Variants in EIF4G3 observed in about 807,000 individuals in gnomAD.
EIF4G3 encodes the protein eIF-4-gamma 3.
Under a neutral mutation model 186.4 loss-of-function variants are expected in EIF4G3, and 34 were observed. That is an observed-to-expected ratio of 0.18 (90% CI 0.14 to 0.24). EIF4G3 has a LOEUF of 0.24. EIF4G3 is among the 10% of genes least tolerant of loss of function. EIF4G3 has a pLI of 1.00. For synonymous variants in EIF4G3, 673 were observed against 679.5 expected, an observed-to-expected ratio of 0.99 and a Z score of 0.15; for missense variants, 1,536 against 1,948.5, an observed-to-expected ratio of 0.79 and a Z score of 3.99.
rs2075293362 is a variant in EIF4G3 at position 20,857,463 on chromosome 1, A to G, written c.3279T>C (p.Thr1093=). 1 of 1,614,160 alleles carries G rather than the reference A, an allele frequency of 6.2e-7. No individual in the cohort carries two copies. Among genetic ancestry groups the G allele is most frequent in the Non-Finnish European group, 8.5e-7 (1 of 1,180,034 alleles). Residue 1093 remains threonine, a synonymous_variant, in exon 25 of 37, where the codon ACT becomes ACC. Coordinates refer to ENST00000602326, the MANE Select transcript of EIF4G3 (RefSeq NM_001391906.1). The part of the protein sequence containing the change: ...VQRVDEGGWN[T]VQGAKNSRVL... ...CCCGACTGTTCTTGGCCCCTTGTAC[A>G]GTGTTCCACCCACCTTCGTCCACTC...
intron 32 of EIF4G3, 51 bp from the exon 33 acceptor site, chr1:20,825,249 C>CACA: frequency 4.7e-6 from 1 of 213,746 alleles, no homozygotes; most frequent in Non-Finnish European, 7.4e-6. Context: ...GAAGAAGAAA[C>CACA]AGAAAAAAAA....
At chr1:21,127,911 A>G (rs1027928366) in intron 2 of EIF4G3, among the ~76,000 whole-genome samples, 7 of 152,340 alleles carry the variant, frequency 4.6e-5, no homozygotes, top group Middle Eastern at 3.4e-3. Flanking sequence ...AAATAAATTA[A>G]AAGTTTCAGT....
intron 7 of EIF4G3, among the ~76,000 whole-genome samples, chr1:20,982,953 T>C (rs2078628071): frequency 6.6e-6 from 1 of 152,190 alleles, no homozygotes; most frequent in South Asian, 2.1e-4. Flanking sequence ...AGAACTATAA[T>C]AACAATCTTA....
At chr1:20,818,828 C>T (rs2061635456) in intron 33 of EIF4G3, among the ~76,000 whole-genome samples, 1 of 152,162 alleles carries the variant, frequency 6.6e-6, no homozygotes, top group Non-Finnish European at 1.5e-5. Context: ...GTCCTATACC[C>T]TATCCCCAAT....
chr1:20,855,742 A>G (rs1160766294), intron 25 of EIF4G3, among the ~76,000 whole-genome samples: 2 of 152,230 alleles, frequency 1.3e-5, no homozygotes, highest in Admixed American at 6.5e-5. Context: ...CTCATAATAT[A>G]TATGTTGCTA....
At chr1:21,119,909 T>C (rs760131778) in intron 2 of EIF4G3, among the ~76,000 whole-genome samples, 1 of 152,032 alleles carries the variant, frequency 6.6e-6, no homozygotes, top group African/African-American at 2.4e-5. Context: ...TAAAAACTAT[T>C]TCTAAAATTA....
chr1:21,056,881 T>C (rs1357359710), intron 3 of EIF4G3, among the ~76,000 whole-genome samples: 3 of 152,276 alleles, frequency 2.0e-5, no homozygotes, highest in Non-Finnish European at 2.9e-5. Flanking sequence ...TTGTCTTTTC[T>C]ATAATATTAA....
At chr1:21,067,092 G>A (rs2095268836) in intron 3 of EIF4G3, among the ~76,000 whole-genome samples, 1 of 149,040 alleles carries the variant, frequency 6.7e-6, no homozygotes. Flanking sequence ...TTGAAGAAAA[G>A]TAATCAGGTA....
intron 2 of EIF4G3, among the ~76,000 whole-genome samples, chr1:21,172,178 G>A (rs2103076942): frequency 6.7e-6 from 1 of 149,872 alleles, no homozygotes; most frequent in South Asian, 2.1e-4. Context: ...AAAATTCTAT[G>A]GAGCAGCAAT....
At chr1:20,878,111 C>T (rs553030812) in intron 20 of EIF4G3, among the ~76,000 whole-genome samples, 1 of 152,280 alleles carries the variant, frequency 6.6e-6, no homozygotes, top group East Asian at 1.9e-4. Context: ...AGGTGATCTG[C>T]CCACCTCAGC....
intron 8 of EIF4G3, among the ~76,000 whole-genome samples, chr1:20,981,459 A>G (rs747501467): frequency 1.3e-4 from 19 of 151,952 alleles, no homozygotes; most frequent in Admixed American, 3.9e-4. Flanking sequence ...TTTCGACCCG[A>G]CTGTATATAT....
intron 3 of EIF4G3, among the ~76,000 whole-genome samples, chr1:21,075,266 T>A (rs1441341949): frequency 1.3e-5 from 2 of 151,888 alleles, no homozygotes; most frequent in Non-Finnish European, 2.9e-5. Context: ...TATAGGAAAT[T>A]CCCCGTAAAG....
chr1:20,902,099 C>A (rs1365909095), intron 15 of EIF4G3, among the ~76,000 whole-genome samples: 3 of 148,098 alleles, frequency 2.0e-5, no homozygotes, highest in Non-Finnish European at 4.4e-5. Context: ...GAGTCTTGCT[C>A]TGTCACCCAG....
At chr1:20,939,361 C>T (rs1020224047) in intron 14 of EIF4G3, among the ~76,000 whole-genome samples, 1 of 152,122 alleles carries the variant, frequency 6.6e-6, no homozygotes, top group African/African-American at 2.4e-5. Flanking sequence ...TGGATTACCA[C>T]TGAAGAGTCT....
chr1:21,089,069 G>C, intron 3 of EIF4G3, 69 bp downstream of exon 3: 1 of 688,730 alleles, frequency 1.5e-6, no homozygotes, highest in East Asian at 2.7e-5. Flanking sequence ...AACAAACACT[G>C]CCTATAATTA....
At chr1:20,984,009 G>A (rs2078861321) in intron 7 of EIF4G3, among the ~76,000 whole-genome samples, 1 of 152,042 alleles carries the variant, frequency 6.6e-6, no homozygotes, top group Non-Finnish European at 1.5e-5. Context: ...GAATAACTGA[G>A]GTTACATCTT....
chr1:20,948,812 C>T (rs1237183530), intron 13 of EIF4G3, among the ~76,000 whole-genome samples: 2 of 151,550 alleles, frequency 1.3e-5, no homozygotes, highest in Non-Finnish European at 2.9e-5. Flanking sequence ...AATTTGAGAG[C>T]AGCCTGGCCA....
chr1:20,827,766 CAA>C (rs1228392409), intron 31 of EIF4G3, 68 bp from the exon 32 acceptor site: 1 of 1,078,566 alleles, frequency 9.3e-7, no homozygotes, highest in African/African-American at 1.5e-5. Context: ...AAGAGGCAAA[CAA>C]TGTGTGACCA....
chr1:20,819,443 A>ATATTTATTTATT (rs71585785), intron 33 of EIF4G3, among the ~76,000 whole-genome samples: 75 of 145,312 alleles, frequency 5.2e-4, no homozygotes, highest in African/African-American at 1.8e-3. Flanking sequence ...CTGAAGTCTC[A>ATATTTATTTATT]TATTTATTTA....
Sources: allele counts gnomAD v4.1 joint callset (sites outside exome capture counted in the v4.1 genomes callset), GRCh38; gene constraint gnomAD v4.1.1; transcripts MANE v1.5; gene names NCBI Gene and HGNC (gene_info 2026-07-23, HGNC 2026-07-21).